CDC42SE2: variants seen among roughly 807,000 people sequenced by gnomAD.
CDC42SE2 encodes the protein CDC42 small effector 2.
In CDC42SE2, 3 loss-of-function variants were observed where a neutral mutation model predicts 11.5. The ratio of observed to expected loss-of-function variants is 0.26; its 90% CI spans 0.12 to 0.67. The LOEUF (loss-of-function observed/expected upper bound fraction) is 0.67. Ranked by LOEUF, CDC42SE2 falls within the 30% of genes least tolerant of loss-of-function variation. The pLI is 0.80. For synonymous variants in CDC42SE2, 33 were observed against 34.8 expected (o/e 0.95, Z 0.18); for missense variants, 82 against 106.8 (o/e 0.77, Z 1.02).
intron 1 of CDC42SE2, among the ~76,000 whole-genome samples, chr5:131,289,307 C>T (rs549097828): frequency 6.6e-6 from 1 of 152,248 alleles, no homozygotes; most frequent in Admixed American, 6.5e-5. Flanking sequence ...AGAAACACAT[C>T]GGTACCTGCA....
At chr5:131,313,777 C>T (rs571192337) in intron 1 of CDC42SE2, among the ~76,000 whole-genome samples, 30 of 152,124 alleles carry the variant, frequency 2.0e-4, no homozygotes, top group African/African-American at 6.0e-4. Flanking sequence ...TTTTAAAAGC[C>T]GTTTTGATTG....
At chr5:131,324,986 C>A (rs576778450) in intron 2 of CDC42SE2, among the ~76,000 whole-genome samples, 2 of 152,164 alleles carry the variant, frequency 1.3e-5, no homozygotes, top group South Asian at 4.2e-4. Context: ...TCTTTAGATG[C>A]CCTTAAATAA....
chr5:131,261,303 T>A (rs1033979002), upstream of CDC42SE2: 2 of 152,234 alleles, frequency 1.3e-5, no homozygotes, highest in African/African-American at 4.8e-5. Flanking sequence ...TTAAGGACAG[T>A]GCACAGATAC....
At chr5:131,325,985 A>G (rs1739404429) in intron 2 of CDC42SE2, among the ~76,000 whole-genome samples, 1 of 152,202 alleles carries the variant, frequency 6.6e-6, no homozygotes, top group Non-Finnish European at 1.5e-5. Context: ...GTCAGCAAAA[A>G]TTGATCCAGT....
intron 2 of CDC42SE2, among the ~76,000 whole-genome samples, chr5:131,336,831 T>G (rs902474638): frequency 6.6e-6 from 1 of 152,230 alleles, no homozygotes; most frequent in Non-Finnish European, 1.5e-5. Context: ...TCAGGTCCTT[T>G]AACGACTTCT....
At chr5:131,334,902 T>G (rs1481155341) in intron 2 of CDC42SE2, among the ~76,000 whole-genome samples, 1 of 152,162 alleles carries the variant, frequency 6.6e-6, no homozygotes, top group African/African-American at 2.4e-5. Flanking sequence ...TTTGTTGATC[T>G]TTTCAAAAAC....
intron 1 of CDC42SE2, among the ~76,000 whole-genome samples, chr5:131,301,472 T>G (rs1456646917): frequency 6.6e-6 from 1 of 152,074 alleles, no homozygotes; most frequent in Non-Finnish European, 1.5e-5. Context: ...TAAAAAATTT[T>G]AAAAGGGCTG....
chr5:131,345,562 T>G (rs1374972850), intron 2 of CDC42SE2, among the ~76,000 whole-genome samples: 1 of 152,170 alleles, frequency 6.6e-6, no homozygotes, highest in Admixed American at 6.5e-5. Context: ...GGAACCAAGC[T>G]GGAAAACACT....
At chr5:131,334,088 T>C (rs531037311) in intron 2 of CDC42SE2, among the ~76,000 whole-genome samples, 26 of 152,154 alleles carry the variant, frequency 1.7e-4, no homozygotes, top group African/African-American at 6.0e-4. Flanking sequence ...CAGTATGATA[T>C]TGGCTGTGGG....
intron 2 of CDC42SE2, among the ~76,000 whole-genome samples, chr5:131,351,328 C>T (rs1258785190): frequency 6.6e-6 from 1 of 152,052 alleles, no homozygotes; most frequent in Non-Finnish European, 1.5e-5. Context: ...GATCTTGGCT[C>T]ACTGCAAGCT....
At chr5:131,234,524 T>G in the CDC42SE2 span, among the ~76,000 whole-genome samples, 1 of 151,466 alleles carries the variant, frequency 6.6e-6, no homozygotes, top group Non-Finnish European at 1.5e-5. Flanking sequence ...TAATCCCAGC[T>G]ACTCGGGAGG....
intron 2 of CDC42SE2, among the ~76,000 whole-genome samples, chr5:131,358,876 T>G (rs1749628592): frequency 6.6e-6 from 1 of 152,228 alleles, no homozygotes; most frequent in Admixed American, 6.5e-5. Flanking sequence ...GTGATCATTA[T>G]TTCTTCTTGG....
chr5:131,385,563 C>G lies in CDC42SE2; in HGVS notation c.75C>G (p.Asp25Glu). The G allele has an allele frequency of 6.2e-7, 1 of 1,613,562 alleles. No homozygotes were observed. Among genetic ancestry groups the G allele is most frequent in the Non-Finnish European group, 8.5e-7 (1 of 1,179,626 alleles). ...TTTAGAAAAGGCGACGGCGGATTGACAGAAGTATGATTGGAGAGCCCACAA... is the reference window on the plus strand; with the variant it reads ...TTTAGAAAAGGCGACGGCGGATTGAGAGAAGTATGATTGGAGAGCCCACAA... ...QPQPKRRRRI[D>E]RSMIGEPTNF... Residue 25 changes from aspartate to glutamate, a missense_variant, in exon 4 of 5, where the codon GAC becomes GAG. Coordinates refer to ENST00000505065, the MANE Select transcript of CDC42SE2 (RefSeq NM_001375635.1).
At chr5:131,294,486 A>C (rs199877981) in intron 1 of CDC42SE2, among the ~76,000 whole-genome samples, 1 of 152,200 alleles carries the variant, frequency 6.6e-6, no homozygotes, top group East Asian at 1.9e-4. Context: ...CGAATGAAAG[A>C]GACAAAAGTT....
At chr5:131,373,218 G>T (rs895296949) in intron 3 of CDC42SE2, among the ~76,000 whole-genome samples, 1 of 152,074 alleles carries the variant, frequency 6.6e-6, no homozygotes, top group Non-Finnish European at 1.5e-5. Flanking sequence ...GACATTAAAG[G>T]AGTTTAAATA....
At chr5:131,260,273 T>A (rs936234647), upstream of CDC42SE2, among the ~76,000 whole-genome samples, 3 of 152,222 alleles carry the variant, frequency 2.0e-5, no homozygotes, top group African/African-American at 7.2e-5. Context: ...CCGTACACCA[T>A]GTCTCCTAAA....
chr5:131,290,925 C>G (rs1361306851), intron 1 of CDC42SE2, among the ~76,000 whole-genome samples: 1 of 152,022 alleles, frequency 6.6e-6, no homozygotes, highest in East Asian at 1.9e-4. Context: ...TTACTCCATA[C>G]CAAGGTAAAT....
chr5:131,260,754 C>T (rs1756718822), upstream of CDC42SE2, among the ~76,000 whole-genome samples: 2 of 151,596 alleles, frequency 1.3e-5, no homozygotes, highest in South Asian at 4.2e-4. Flanking sequence ...GCCAACATGG[C>T]AAAACCCTGT....
intron 2 of CDC42SE2, among the ~76,000 whole-genome samples, chr5:131,331,018 C>A (rs577432095): frequency 6.6e-6 from 1 of 151,918 alleles, no homozygotes; most frequent in South Asian, 2.1e-4. Flanking sequence ...AGAGCGAGAC[C>A]CTCTCTCAAA....
Sources: allele counts gnomAD v4.1 joint callset (sites outside exome capture counted in the v4.1 genomes callset), GRCh38; gene constraint gnomAD v4.1.1; transcripts MANE v1.5; gene names NCBI Gene and HGNC (gene_info 2026-07-23, HGNC 2026-07-21).